The following CCDC30 variants were observed in gnomAD, a reference collection of about 807,000 sequenced individuals.
The protein encoded by CCDC30 is coiled-coil domain containing 30.
A neutral mutation model predicts 100.2 loss-of-function variants in CCDC30; 70 were observed. The observed-to-expected ratio is 0.70, with a 90% confidence interval of 0.58 to 0.85. The LOEUF is 0.85. Among genes scored for constraint, CCDC30 ranks in the 40% least tolerant of loss-of-function variants. The probability of loss-of-function intolerance (pLI) is 0.00; values close to 1 mark genes in which losing one functional copy is unlikely to be tolerated. For missense variants in CCDC30, 652 were observed against 771.2 expected (o/e 0.85, Z 1.83); for synonymous variants, 233 against 269.5 (o/e 0.86, Z 1.33).
intron 6 of CCDC30, among the ~76,000 whole-genome samples, chr1:42,516,098 A>G (rs1644550745): frequency 6.6e-6 from 1 of 152,190 alleles, no homozygotes; most frequent in African/African-American, 2.4e-5. Context: ...TTCTGTGTCT[A>G]CTTTTTCTTG....
At chr1:42,498,307 T>C (rs1431414998) in intron 5 of CCDC30, among the ~76,000 whole-genome samples, 3 of 152,154 alleles carry the variant, frequency 2.0e-5, no homozygotes, top group Admixed American at 6.5e-5. Context: ...TATTGTTTAA[T>C]GGGTATAGAG....
At chr1:42,644,927 A>T in intron 14 of CCDC30, 120 bp downstream of exon 18, 1 of 653,090 alleles carries the variant, frequency 1.5e-6, no homozygotes, top group Non-Finnish European at 2.7e-6. Flanking sequence ...GCCTCATGGT[A>T]GGCTGTGGCA....
intron 6 of CCDC30, among the ~76,000 whole-genome samples, chr1:42,549,180 A>G (rs1645200972): frequency 1.3e-5 from 2 of 152,102 alleles, no homozygotes; most frequent in Admixed American, 1.3e-4. Flanking sequence ...CTCCATTCCC[A>G]TTTCACCCAG....
At chr1:42,642,247 AT>A (rs566983765) in intron 12 of CCDC30, among the ~76,000 whole-genome samples, 171 of 143,130 alleles carry the variant, frequency 1.2e-3, no homozygotes, top group African/African-American at 4.0e-3. Context: ...AAACAAAAAA[AT>A]ATATATATAT....
chr1:42,544,479 C>T (rs2148532737), intron 6 of CCDC30, among the ~76,000 whole-genome samples: 1 of 152,236 alleles, frequency 6.6e-6, no homozygotes, highest in Non-Finnish European at 1.5e-5. Context: ...GTAGGGGCTA[C>T]AATATAAGAT....
intron 7 of CCDC30, among the ~76,000 whole-genome samples, chr1:42,571,752 A>G (rs906691660): frequency 6.6e-6 from 1 of 152,204 alleles, no homozygotes; most frequent in Non-Finnish European, 1.5e-5. Flanking sequence ...GACCATTTTT[A>G]TGTGTCCACT....
intron 7 of CCDC30, among the ~76,000 whole-genome samples, chr1:42,574,055 G>A (rs1367913621): frequency 6.6e-6 from 1 of 152,220 alleles, no homozygotes; most frequent in African/African-American, 2.4e-5. Flanking sequence ...TCAAAAGTGA[G>A]ACTAGTCTGT....
chr1:42,520,295 G>C (rs1343209141), intron 6 of CCDC30, among the ~76,000 whole-genome samples: 1 of 150,556 alleles, frequency 6.6e-6, no homozygotes, highest in Non-Finnish European at 1.5e-5. Flanking sequence ...GGTGTGTTAT[G>C]ATTTCATTTT....
downstream of CCDC30, among the ~76,000 whole-genome samples, chr1:42,656,939 AAC>A (rs1171799743): frequency 6.6e-6 from 1 of 152,226 alleles, no homozygotes; most frequent in Non-Finnish European, 1.5e-5. Flanking sequence ...TTTATTCTAA[AAC>A]AGTTGGTATA....
intron 6 of CCDC30, among the ~76,000 whole-genome samples, chr1:42,547,034 G>A (rs80231305): frequency 3.4e-4 from 52 of 152,248 alleles, no homozygotes; most frequent in Admixed American, 2.9e-3. Flanking sequence ...ATTATTTTGC[G>A]AGTTTGGGGC....
intron 6 of CCDC30, among the ~76,000 whole-genome samples, chr1:42,523,561 G>A (rs890638371): frequency 1.3e-5 from 2 of 152,028 alleles, no homozygotes; most frequent in African/African-American, 2.4e-5. Flanking sequence ...AATGTGTCTT[G>A]GTGTGGTCGT....
chr1:42,641,234 T>C (rs1647364895), intron 12 of CCDC30, among the ~76,000 whole-genome samples: 1 of 150,814 alleles, frequency 6.6e-6, no homozygotes, highest in African/African-American at 2.4e-5. Flanking sequence ...TGTGTGTGTG[T>C]GTGTGTGTGT....
chr1:42,536,389 T>G, intron 6 of CCDC30, 87 bp from the exon 7 acceptor site: 1 of 793,126 alleles, frequency 1.3e-6, no homozygotes, highest in Non-Finnish European at 1.9e-6. Flanking sequence ...ATGATTTCAT[T>G]ATTGAGTTAG....
At chr1:42,529,332 C>T (rs1181671700) in intron 6 of CCDC30, among the ~76,000 whole-genome samples, 3 of 152,070 alleles carry the variant, frequency 2.0e-5, no homozygotes, top group Admixed American at 1.3e-4. Context: ...ATTAGCTGGG[C>T]GTGGTGGCGG....
Position 42,580,872 on chromosome 1 carries a change from G to A in CCDC30, c.847-488G>A, listed in dbSNP as rs1239247093. 6.6e-6 allele frequency: 3 copies of A among 456,160 alleles called. 1 individual carries two copies. Among genetic ancestry groups the A allele is most frequent in the South Asian group, 4.6e-5 (3 of 64,536 alleles). The allele number at this position is 456,160 out of a possible 1,614,324, so 28.3% of individuals were successfully genotyped here. ...TAGCCACACTGTGGAGAAACTAGGT[G>A]CACTCACAATGCTGTTGGGAGTATA... On this transcript the variant is annotated intron_variant, in intron 8 of 16. Transcript: ENST00000668663.
chr1:42,512,134 G>A (rs1453559537), intron 6 of CCDC30, among the ~76,000 whole-genome samples: 1 of 152,212 alleles, frequency 6.6e-6, no homozygotes, highest in African/African-American at 2.4e-5. Context: ...GGCACAGATC[G>A]CTCATGCTAT....
Position 42,466,677 on chromosome 1 carries a change from G to A in CCDC30, c.-92+2779G>A, listed in dbSNP as rs535764824. On this transcript the variant is annotated intron_variant, in intron 1 of 16. Coordinates refer to ENST00000668663, the Ensembl canonical transcript of CCDC30. ...AGCGATTCTCCTGCCTCAGCCTCCT[G>A]GGTAGCTGGGATTACAGGCACCCGC... is the stretch of plus-strand genomic sequence containing the variant. Among the ~76,000 whole-genome samples, 103 of 151,554 alleles carry A rather than the reference G, an allele frequency of 6.8e-4. No homozygotes were observed. In the Middle Eastern group the frequency reaches 0.014, roughly 20 times the overall value.
At chr1:42,570,581 C>T (rs16829727) in intron 7 of CCDC30, among the ~76,000 whole-genome samples, 20,621 of 152,024 alleles carry the variant, frequency 0.14, 1,536 homozygotes, top group East Asian at 0.17. Context: ...CATCACCTTA[C>T]CACCCAAAAT....
At chr1:42,580,692 C>A in intron 8 of CCDC30, 1 of 280,740 alleles carries the variant, frequency 3.6e-6, no homozygotes, top group Non-Finnish European at 7.0e-6. Context: ...GTCATATAAA[C>A]TCTAAAATAT....
Sources: gnomAD v4.1 joint callset for allele counts (sites outside exome capture counted in the v4.1 genomes callset) on GRCh38, gnomAD v4.1.1 for gene constraint, MANE v1.5 for transcripts, NCBI Gene and HGNC (gene_info 2026-07-23, HGNC 2026-07-21) for gene names.